The following SNAP91 variants were observed in gnomAD, a reference collection of about 807,000 sequenced individuals.
The protein encoded by SNAP91 is clathrin coat assembly protein AP180.
A neutral mutation model predicts 100.3 loss-of-function variants in SNAP91; 27 were observed. The observed-to-expected ratio is 0.27, with a 90% CI of 0.20 to 0.37. SNAP91 has a LOEUF of 0.37. SNAP91 is among the 10% of genes least tolerant of loss of function. SNAP91 has a pLI of 1.00. For synonymous variants in SNAP91, 404 were observed against 398.6 expected (o/e 1.01, Z -0.16); for missense variants, 986 against 1,123.7 (o/e 0.88, Z 1.75).
At position 83,662,032 on chromosome 6, in the gene SNAP91, C is replaced by T. The variant is rs910522063; in HGVS notation, c.349+315G>A. 5.9e-5 allele frequency among the ~76,000 whole-genome samples: 9 copies of T among 152,118 alleles called. No homozygotes were observed. In the East Asian group the frequency reaches 7.7e-4, roughly 13 times the overall value. ...CCACACAAAACATTTCTTTAAGACT[C>T]GAATCACTTTTTTTAATTGAGAAGA... On this transcript the variant is annotated intron_variant, in intron 4 of 29. Coordinates refer to ENST00000369694, the MANE Select transcript of SNAP91 (RefSeq NM_001242792.2).
intron 2 of SNAP91, among the ~76,000 whole-genome samples, chr6:83,698,688 C>T (rs1401369203): frequency 6.6e-6 from 1 of 152,082 alleles, no homozygotes; most frequent in Non-Finnish European, 1.5e-5. Flanking sequence ...AGCTTTCCCC[C>T]GATGAACTCT....
intron 26 of SNAP91, among the ~76,000 whole-genome samples, chr6:83,570,890 G>A (rs1180676622): frequency 6.6e-6 from 1 of 152,102 alleles, no homozygotes; most frequent in South Asian, 2.1e-4. Context: ...TGGGATGGGG[G>A]CCCCCACACA....
At chr6:83,657,129 T>C (rs540992125) in intron 6 of SNAP91, among the ~76,000 whole-genome samples, 68 of 152,338 alleles carry the variant, frequency 4.5e-4, no homozygotes, top group African/African-American at 1.6e-3. Flanking sequence ...AATCCATAGA[T>C]TATTCAAATT....
intron 11 of SNAP91, 93 bp from the exon 12 acceptor site, chr6:83,610,770 T>C (rs1206564929): frequency 4.4e-6 from 1 of 228,012 alleles, no homozygotes; most frequent in East Asian, 9.1e-5. Flanking sequence ...AATATATTTG[T>C]AGAAGCATTT....
rs958787024 is a variant in SNAP91, at chr6:83,560,903, C to T, written c.2487G>A (p.Gly829=). The part of the protein sequence containing the change: ...PPTSSVPPVA[G]APSVGQPGAG... Reference sequence around the variant, plus strand: ...CTCCAGGTTGTCCAACCGATGGGGCCCCGGCAACAGGAGGAACTGAACTGG... The same window carrying T: ...CTCCAGGTTGTCCAACCGATGGGGCTCCGGCAACAGGAGGAACTGAACTGG... The change falls in exon 27 of 30, where the codon GGG becomes GGA. Residue 829 remains glycine (G), a synonymous_variant. Coordinates refer to ENST00000369694, the MANE Select transcript of SNAP91 (RefSeq NM_001242792.2). 2.5e-6 allele frequency: 4 copies of T among 1,613,570 alleles called. No homozygotes were observed. Among genetic ancestry groups the T allele is most frequent in the East Asian group, 2.2e-5 (1 of 44,874 alleles).
intron 7 of SNAP91, among the ~76,000 whole-genome samples, chr6:83,647,723 T>G (rs1319422484): frequency 1.3e-5 from 2 of 151,050 alleles, no homozygotes; most frequent in African/African-American, 4.9e-5. Flanking sequence ...AGGTGTAGAT[T>G]TTATGTGTCT....
chr6:83,637,907 G>A (rs559430085), intron 8 of SNAP91, among the ~76,000 whole-genome samples: 259 of 152,260 alleles, frequency 1.7e-3, no homozygotes, highest in African/African-American at 5.7e-3. Context: ...CTGGCCCCTC[G>A]GGGTTAAGCA....
At chr6:83,673,856 C>T (rs1207726154) in intron 2 of SNAP91, among the ~76,000 whole-genome samples, 1 of 152,176 alleles carries the variant, frequency 6.6e-6, no homozygotes, top group Non-Finnish European at 1.5e-5. Context: ...TCTGCTGAGT[C>T]ACTTGGGAAG....
At chr6:83,606,851 A>G (rs1396021282) in intron 13 of SNAP91, among the ~76,000 whole-genome samples, 6 of 152,236 alleles carry the variant, frequency 3.9e-5, no homozygotes, top group Non-Finnish European at 7.3e-5. Flanking sequence ...CATATTTATT[A>G]TTAATATCTT....
At chr6:83,603,442 T>C (rs958162601) in intron 14 of SNAP91, among the ~76,000 whole-genome samples, 12 of 152,184 alleles carry the variant, frequency 7.9e-5, no homozygotes, top group African/African-American at 2.9e-4. Flanking sequence ...TTGCTCAGGC[T>C]GGACTCTTAA....
intron 7 of SNAP91, among the ~76,000 whole-genome samples, chr6:83,647,407 G>T (rs1462407495): frequency 6.6e-6 from 1 of 152,142 alleles, no homozygotes; most frequent in East Asian, 1.9e-4. Context: ...TCATGAATGG[G>T]TGTTGGATTT....
intron 16 of SNAP91, among the ~76,000 whole-genome samples, chr6:83,601,053 T>C (rs2095148560): frequency 6.6e-6 from 1 of 152,164 alleles, no homozygotes. Context: ...GAAAATCAAA[T>C]GGGCCTGATG....
chr6:83,556,756 C>T (rs549787209), intron 28 of SNAP91, among the ~76,000 whole-genome samples: 4 of 152,318 alleles, frequency 2.6e-5, no homozygotes, highest in African/African-American at 7.2e-5. Flanking sequence ...ATTTAAATGG[C>T]TTTTCCTGTA....
intron 26 of SNAP91, among the ~76,000 whole-genome samples, chr6:83,569,084 G>A (rs1801948530): frequency 6.6e-6 from 1 of 151,870 alleles, no homozygotes; most frequent in Non-Finnish European, 1.5e-5. Flanking sequence ...AAAATAAAAT[G>A]GAGTATCTAT....
chr6:83,627,658 A>G (rs1426084408), intron 8 of SNAP91, among the ~76,000 whole-genome samples: 1 of 151,916 alleles, frequency 6.6e-6, no homozygotes, highest in Admixed American at 6.6e-5. Context: ...GTAGTAGTCT[A>G]GAGGATTTTT....
intron 2 of SNAP91, among the ~76,000 whole-genome samples, chr6:83,676,851 G>A (rs575508560): frequency 2.0e-5 from 3 of 152,132 alleles, no homozygotes; most frequent in Non-Finnish European, 4.4e-5. Flanking sequence ...GTGTTAATGA[G>A]CTTATATTAG....
intron 29 of SNAP91, among the ~76,000 whole-genome samples, chr6:83,555,726 G>T (rs1425879114): frequency 6.6e-6 from 1 of 151,956 alleles, no homozygotes; most frequent in Non-Finnish European, 1.5e-5. Context: ...GCTTTATGAG[G>T]CAAAAGAAGG....
Position 83,612,991 on chromosome 6 carries a change from A to C in SNAP91, c.884+1866T>G, listed in dbSNP as rs546359220. ...TCTTCTATAACATCTTCTACCCCAC[A>C]GCAAGAATGAAGATATAATAAAAAT... On this transcript the variant is annotated intron_variant, in intron 11 of 29. Transcript: ENST00000369694. 9.2e-5 allele frequency among the ~76,000 whole-genome samples: 14 copies of C among 152,240 alleles called. No individual in the cohort carries two copies. The South Asian group carries it at 2.7e-3, about 29-fold the overall frequency.
chr6:83,662,208 T>A, intron 4 of SNAP91, 139 bp downstream of exon 4: 1 of 327,712 alleles, frequency 3.1e-6, no homozygotes, highest in Non-Finnish European at 5.7e-6. Flanking sequence ...ATTAAATATT[T>A]TAAAGCTATA....
Sources: allele counts gnomAD v4.1 joint callset (sites outside exome capture counted in the v4.1 genomes callset), GRCh38; gene constraint gnomAD v4.1.1; transcripts MANE v1.5; gene names NCBI Gene and HGNC (gene_info 2026-07-23, HGNC 2026-07-21).